The following RRAS2 variants were observed in gnomAD, a reference collection of about 807,000 sequenced individuals.
The protein encoded by RRAS2 is ras-related protein R-Ras2.
Under a neutral mutation model 27.6 loss-of-function variants are expected in RRAS2, and 7 were observed. The ratio of observed to expected loss-of-function variants is 0.25; its 90% CI spans 0.14 to 0.48. The LOEUF (loss-of-function observed/expected upper bound fraction) is 0.48, where lower values mean the gene tolerates loss of function less well. Ranked by LOEUF, RRAS2 falls within the 20% of genes least tolerant of loss-of-function variation. The pLI is 0.99. For missense variants in RRAS2, 178 were observed against 256.2 expected (o/e 0.69, Z 2.08); for synonymous variants, 86 against 90.9 (o/e 0.95, Z 0.31).
intron 1 of RRAS2, among the ~76,000 whole-genome samples, chr11:14,325,310 A>ATTTTT (rs35405878): frequency 8.0e-6 from 1 of 124,782 alleles, no homozygotes; most frequent in African/African-American, 2.9e-5. Context: ...TCCTTTTAGT[A>ATTTTT]TTTTTTTTTT....
intron 4 of RRAS2, among the ~76,000 whole-genome samples, chr11:14,292,835 T>C (rs997085175): frequency 6.6e-6 from 1 of 151,930 alleles, no homozygotes; most frequent in East Asian, 1.9e-4. Context: ...GGGCCAGGCA[T>C]TGTGGCTCAT....
intron 1 of RRAS2, among the ~76,000 whole-genome samples, chr11:14,364,224 C>G (rs1244272655): frequency 6.6e-6 from 1 of 152,144 alleles, no homozygotes; most frequent in Non-Finnish European, 1.5e-5. Flanking sequence ...CCAATATTGA[C>G]CAAACAGCAT....
At chr11:14,281,836 AAGGTG>A in intron 4 of RRAS2, 116 bp from the exon 5 acceptor site, 1 of 820,010 alleles carries the variant, frequency 1.2e-6, no homozygotes, top group Non-Finnish European at 2.0e-6. Flanking sequence ...GTTTTATCAT[AAGGTG>A]AAACAACAGA....
intron 1 of RRAS2, among the ~76,000 whole-genome samples, chr11:14,333,279 G>C (rs1848518720): frequency 6.6e-6 from 1 of 152,050 alleles, no homozygotes; most frequent in South Asian, 2.1e-4. Flanking sequence ...TATCACTGTA[G>C]ATAGATATTT....
intron 4 of RRAS2, 49 bp downstream of exon 4, chr11:14,294,422 T>A (rs1288975777): frequency 8.1e-7 from 1 of 1,235,128 alleles, no homozygotes; most frequent in Admixed American, 2.3e-5. Flanking sequence ...ATCAGTTCAC[T>A]CACATGATTA....
chr11:14,324,443 A>G (rs1848301338), intron 1 of RRAS2, among the ~76,000 whole-genome samples: 1 of 151,744 alleles, frequency 6.6e-6, no homozygotes, highest in South Asian at 2.1e-4. Context: ...AAAAAAAAAA[A>G]AGGAAAACGT....
Position 14,358,440 on chromosome 11 carries a change from G to A in RRAS2, c.108+323C>T, listed in dbSNP as rs1402793398. On this transcript the variant is annotated intron_variant, in intron 1 of 5. Transcript: ENST00000256196. The surrounding 1 kb of genome is among the most constrained non-coding windows in gnomAD (Gnocchi z 5.1). ...CCCTCGGAGCAGTAAAGCCCGGCTC[G>A]GTGGCCCAGCCTCTCCCGGAGGTCT... is the stretch of plus-strand genomic sequence containing the variant. 1.4e-5 allele frequency: 14 copies of A among 985,224 alleles called. No homozygotes were observed. Among genetic ancestry groups the A allele is most frequent in the Non-Finnish European group, 1.7e-5 (14 of 829,978 alleles). The allele number at this position is 985,224 out of a possible 1,614,324, so 61.0% of individuals were successfully genotyped here. A position where few individuals can be genotyped will look rare whatever the true frequency, so the allele number is the denominator to read the frequency against.
rs1491413548 is a variant in RRAS2, at chr11:14,352,754, T to TAG, written c.108+6008_108+6009insCT. Among the ~76,000 whole-genome samples, 325 of 118,730 alleles carry TAG rather than the reference T, an allele frequency of 2.7e-3. 1 individual carries two copies. Among genetic ancestry groups the TAG allele is most frequent in the African/African-American group, 7.2e-3 (234 of 32,482 alleles). 77.9% of individuals were successfully genotyped at this position (118,730 alleles called of 152,430 possible). On this transcript the variant is annotated intron_variant, in intron 1 of 5. Coordinates refer to ENST00000256196, the MANE Select transcript of RRAS2 (RefSeq NM_012250.6). ...AAAAGAAACTTTTAAAATATATATA[T>TAG]ATAGAGAGAGAGAGAGAGAGAGAGA...
intron 1 of RRAS2, among the ~76,000 whole-genome samples, chr11:14,344,093 T>C (rs1302545069): frequency 3.9e-5 from 6 of 151,906 alleles, no homozygotes; most frequent in African/African-American, 7.3e-5. Flanking sequence ...CAGTGAGCCA[T>C]GATTGTGCCA....
At chr11:14,356,252 C>G (rs1206081373) in intron 1 of RRAS2, among the ~76,000 whole-genome samples, 1 of 152,158 alleles carries the variant, frequency 6.6e-6, no homozygotes, top group Non-Finnish European at 1.5e-5. Context: ...AATCAACTAT[C>G]AATCCCACTT....
At chr11:14,317,653 T>C (rs1848138989) in intron 1 of RRAS2, among the ~76,000 whole-genome samples, 3 of 152,168 alleles carry the variant, frequency 2.0e-5, no homozygotes, top group Admixed American at 1.3e-4. Flanking sequence ...GGAAACAAAA[T>C]TCAAAGGTAA....
chr11:14,302,483 T>C (rs894993424), intron 1 of RRAS2, among the ~76,000 whole-genome samples: 1 of 152,140 alleles, frequency 6.6e-6, no homozygotes, highest in Admixed American at 6.5e-5. Context: ...GTTTGAGTCC[T>C]TGGGTAAACT....
At chr11:14,302,110 A>ACACACACACACC (rs1199183770) in intron 1 of RRAS2, among the ~76,000 whole-genome samples, 29 of 143,766 alleles carry the variant, frequency 2.0e-4, no homozygotes, top group East Asian at 1.2e-3. Context: ...ACACACACAC[A>ACACACACACACC]CCAAAAACCA....
intron 1 of RRAS2, among the ~76,000 whole-genome samples, chr11:14,324,197 G>A (rs534219588): frequency 1.2e-3 from 175 of 151,906 alleles, no homozygotes; most frequent in African/African-American, 4.0e-3. Flanking sequence ...ATTGGAATTA[G>A]AATTCAGCAA....
At chr11:14,312,880 CAGCAGCAGCAAATGTTCTCAA>C (rs1848007854) in intron 1 of RRAS2, among the ~76,000 whole-genome samples, 1 of 152,200 alleles carries the variant, frequency 6.6e-6, no homozygotes, top group Non-Finnish European at 1.5e-5. Flanking sequence ...AATGGGAAAG[CAGCAGCAGCAAATGTTCTCAA>C]CCAGAGATTC....
In RRAS2 at chr11:14,278,277, C is replaced by G. The variant is rs1483742478; in HGVS notation, c.*1060G>C. ...TGTGACTGGCCAAAGATGGGTACAA[C>G]CAAGACCAGACCAGCAAGTAAAAGT... On this transcript the variant is annotated 3_prime_UTR_variant, in exon 6 of 6. Coordinates refer to ENST00000256196, the MANE Select transcript of RRAS2 (RefSeq NM_012250.6). The G allele has an allele frequency of 6.6e-6, 1 of 152,172 alleles. No homozygotes were observed. Among genetic ancestry groups the G allele is most frequent in the Non-Finnish European group, 1.5e-5 (1 of 68,044 alleles). The allele number at this position is 152,172 out of a possible 1,614,324, so 9.4% of individuals were successfully genotyped here. A position where few individuals can be genotyped will look rare whatever the true frequency, so the allele number is the denominator to read the frequency against.
chr11:14,354,065 G>C (rs1198614981), intron 1 of RRAS2, among the ~76,000 whole-genome samples: 2 of 152,140 alleles, frequency 1.3e-5, no homozygotes, highest in East Asian at 3.8e-4. Flanking sequence ...AGCAAATTGG[G>C]AATTTAAACT....
chr11:14,364,494 A>C (rs1195353341), exon 1 of RRAS2: 12 of 1,013,556 alleles, frequency 1.2e-5, no homozygotes, highest in Non-Finnish European at 1.8e-5. Context: ...CAGGAGCTGC[A>C]TGCATCTGAG....
At chr11:14,316,555 C>T (rs1848112154) in intron 1 of RRAS2, among the ~76,000 whole-genome samples, 1 of 152,192 alleles carries the variant, frequency 6.6e-6, no homozygotes, top group Non-Finnish European at 1.5e-5. Context: ...GCCTAGGCAA[C>T]ATAGCAAGAC....
Sources: gnomAD v4.1 joint callset for allele counts (sites outside exome capture counted in the v4.1 genomes callset) on GRCh38, gnomAD v4.1.1 for gene constraint, Gnocchi (gnomAD v3.1) non-coding constraint, MANE v1.5 for transcripts, NCBI Gene and HGNC (gene_info 2026-07-23, HGNC 2026-07-21) for gene names.